RGS6: variants seen among roughly 807,000 people sequenced by gnomAD.
RGS6 encodes regulator of G protein signaling 6.
RGS6 carries 30 observed loss-of-function variants against 78.5 expected under a neutral mutation model. That is an observed-to-expected ratio of 0.38 (90% confidence interval 0.29 to 0.52). The LOEUF is 0.52. Ranked by LOEUF, RGS6 falls within the 20% of genes least tolerant of loss-of-function variation. RGS6 has a pLI of 0.85. For synonymous variants in RGS6, 206 were observed against 206.0 expected (o/e 1.00, Z 0.00); for missense variants, 495 against 609.7 (o/e 0.81, Z 1.98).
intron 2 of RGS6, among the ~76,000 whole-genome samples, chr14:72,283,999 A>G (rs1032678041): frequency 6.6e-6 from 1 of 152,226 alleles, no homozygotes; most frequent in Non-Finnish European, 1.5e-5. Flanking sequence ...TTTAGCAAAG[A>G]GACTGGTGGC....
At chr14:72,477,034 C>A (rs959580060) in intron 11 of RGS6, 194 bp downstream of exon 11, 1 of 566,270 alleles carries the variant, frequency 1.8e-6, no homozygotes, top group South Asian at 2.1e-5. Context: ...AATTCTCTAC[C>A]CAGTTCCTCC....
chr14:71,950,061 A>C (rs1235342407), intron 1 of RGS6, among the ~76,000 whole-genome samples: 1 of 152,166 alleles, frequency 6.6e-6, no homozygotes, highest in Non-Finnish European at 1.5e-5. Flanking sequence ...TGTCTTAATT[A>C]CGTGAGCTTT....
At chr14:72,246,623 T>A (rs1211952220) in intron 2 of RGS6, among the ~76,000 whole-genome samples, 1 of 152,194 alleles carries the variant, frequency 6.6e-6, no homozygotes, top group African/African-American at 2.4e-5. Flanking sequence ...AAGAATATTA[T>A]TGAAGGCTTG....
At chr14:72,497,718 C>T (rs1222953917) in intron 13 of RGS6, among the ~76,000 whole-genome samples, 1 of 152,078 alleles carries the variant, frequency 6.6e-6, no homozygotes, top group African/African-American at 2.4e-5. Flanking sequence ...TTTCTATGAA[C>T]ATTTAAAGAA....
chr14:72,508,441 G>T (rs1278162252), intron 13 of RGS6, among the ~76,000 whole-genome samples: 1 of 152,088 alleles, frequency 6.6e-6, no homozygotes. Context: ...GCCACATGGG[G>T]CTAGTGGCTG....
rs546553552 is a variant in RGS6, at chr14:72,375,198, G to T, written c.184+23004G>T. Among the ~76,000 whole-genome samples, 9 of 152,250 alleles carry T rather than the reference G, an allele frequency of 5.9e-5. No individual in the cohort carries two copies. In the East Asian group the frequency reaches 1.7e-3, roughly 29 times the overall value. On this transcript the variant is annotated intron_variant, in intron 3 of 17. Coordinates refer to ENST00000553525, the MANE Select transcript of RGS6 (RefSeq NM_001204424.2). The stretch of plus-strand genomic sequence containing the variant: ...ATGGGAAGAGCAATTCTTCCCCATT[G>T]TCTTTATTATTTCCTTCCAAATTTA...
intron 6 of RGS6, among the ~76,000 whole-genome samples, chr14:72,462,007 T>G (rs908169831): frequency 6.6e-6 from 1 of 152,126 alleles, no homozygotes; most frequent in African/African-American, 2.4e-5. Context: ...ACTGGGATGT[T>G]GGTTGATATT....
chr14:72,189,059 G>T (rs1023351350), intron 2 of RGS6, among the ~76,000 whole-genome samples: 3 of 152,174 alleles, frequency 2.0e-5, no homozygotes, highest in African/African-American at 4.8e-5. Flanking sequence ...AACATTTCCC[G>T]TACAGGCTCA....
chr14:72,589,378 C>T, the RGS6 span, among the ~76,000 whole-genome samples: 110 of 152,090 alleles, frequency 7.2e-4, no homozygotes, highest in Middle Eastern at 3.4e-3. Context: ...GGTGAAACCC[C>T]GTCTCTACAA....
chr14:72,055,584 G>A (rs982949565), intron 2 of RGS6, among the ~76,000 whole-genome samples: 1 of 152,090 alleles, frequency 6.6e-6, no homozygotes, highest in African/African-American at 2.4e-5. Flanking sequence ...TTTAAAAAAT[G>A]CTAATGTCTG....
At chr14:72,561,273 C>T (rs1410255049) in intron 17 of RGS6, among the ~76,000 whole-genome samples, 1 of 152,194 alleles carries the variant, frequency 6.6e-6, no homozygotes, top group Non-Finnish European at 1.5e-5. Context: ...ATCGCTGGCC[C>T]TTGCAATCTC....
the RGS6 span, among the ~76,000 whole-genome samples, chr14:72,595,837 C>A: frequency 2.0e-5 from 3 of 152,222 alleles, no homozygotes; most frequent in African/African-American, 4.8e-5. Flanking sequence ...TTGCAAACCC[C>A]TATGGTCTAG....
At chr14:72,120,202 T>C (rs1053713768) in intron 2 of RGS6, among the ~76,000 whole-genome samples, 13 of 152,238 alleles carry the variant, frequency 8.5e-5, no homozygotes, top group Non-Finnish European at 1.5e-4. Context: ...TTGATACTAT[T>C]AAGGAATGAT....
At chr14:72,267,298 A>G (rs2153902729) in intron 2 of RGS6, among the ~76,000 whole-genome samples, 1 of 152,304 alleles carries the variant, frequency 6.6e-6, no homozygotes, top group South Asian at 2.1e-4. Context: ...AAAAAGAATA[A>G]TATTTCATGA....
intron 2 of RGS6, among the ~76,000 whole-genome samples, chr14:72,044,964 A>G (rs896467544): frequency 1.3e-5 from 2 of 152,196 alleles, no homozygotes; most frequent in Non-Finnish European, 2.9e-5. Flanking sequence ...GCAGTCCCGC[A>G]GTTTCTTAGG....
intron 2 of RGS6, among the ~76,000 whole-genome samples, chr14:72,213,962 A>G (rs916443019): frequency 1.6e-4 from 24 of 152,130 alleles, no homozygotes; most frequent in African/African-American, 3.4e-4. Context: ...CTTTAAGACT[A>G]TTATCACATT....
chr14:71,948,729 T>C (rs2091900092), intron 1 of RGS6, among the ~76,000 whole-genome samples: 1 of 59,216 alleles, frequency 1.7e-5, no homozygotes, highest in South Asian at 6.1e-4. Flanking sequence ...ATTTCCTTTC[T>C]CTCTCTCTCT....
intron 2 of RGS6, among the ~76,000 whole-genome samples, chr14:72,326,710 TTC>T (rs2073856717): frequency 6.6e-6 from 1 of 152,332 alleles, no homozygotes; most frequent in African/African-American, 2.4e-5. Flanking sequence ...AGGTATTTTT[TTC>T]TTTCTTTTGA....
intron 2 of RGS6, among the ~76,000 whole-genome samples, chr14:72,166,591 A>G (rs17179811): frequency 0.042 from 6,324 of 152,282 alleles, 166 homozygotes; most frequent in Middle Eastern, 0.1. Context: ...GTTAGACTTT[A>G]GAAATAGACC....
Sources: allele counts gnomAD v4.1 joint callset (sites outside exome capture counted in the v4.1 genomes callset), GRCh38; gene constraint gnomAD v4.1.1; transcripts MANE v1.5; gene names NCBI Gene and HGNC (gene_info 2026-07-23, HGNC 2026-07-21).